Variants in KLHL2 observed in about 807,000 individuals in gnomAD.
KLHL2 encodes kelch like family member 2.
KLHL2 carries 15 observed loss-of-function variants against 75.8 expected under a neutral mutation model. The observed-to-expected ratio is 0.20, with a 90% CI of 0.13 to 0.30. The LOEUF is 0.30. Ranked by LOEUF, KLHL2 falls within the 10% of genes least tolerant of loss-of-function variation. The pLI is 1.00. For synonymous variants in KLHL2, 214 were observed against 251.9 expected, an observed-to-expected ratio of 0.85 and a Z score of 1.42; for missense variants, 381 against 741.0, an observed-to-expected ratio of 0.51 and a Z score of 5.64.
chr4:165,262,437 G>T (rs143176916), intron 4 of KLHL2, among the ~76,000 whole-genome samples: 1,719 of 152,304 alleles, frequency 0.011, 26 homozygotes, highest in African/African-American at 0.037. Context: ...ATGAGGCTTT[G>T]TTGTGATATG....
At chr4:165,307,539 G>A (rs112147957) in intron 9 of KLHL2, among the ~76,000 whole-genome samples, 1 of 152,178 alleles carries the variant, frequency 6.6e-6, no homozygotes, top group African/African-American at 2.4e-5. Context: ...GCTGTTCTAG[G>A]ATCCTGCTTT....
intron 14 of KLHL2, among the ~76,000 whole-genome samples, chr4:165,321,768 T>A (rs570750433): frequency 2.6e-5 from 4 of 152,296 alleles, no homozygotes; most frequent in Admixed American, 2.6e-4. Flanking sequence ...CCCTTTTGAG[T>A]ATATTTTCCA....
chr4:165,230,916 A>G (rs1738832057), intron 3 of KLHL2, among the ~76,000 whole-genome samples: 1 of 152,258 alleles, frequency 6.6e-6, no homozygotes, highest in Non-Finnish European at 1.5e-5. Context: ...CATTGAAGAC[A>G]TTCTGATTTT....
At chr4:165,298,257 C>T (rs1745068979) in intron 7 of KLHL2, among the ~76,000 whole-genome samples, 1 of 148,046 alleles carries the variant, frequency 6.8e-6, no homozygotes, top group Admixed American at 6.7e-5. Context: ...GCAGTCACTG[C>T]TTTGCATCTT....
chr4:165,266,915 T>G (rs1188629662), intron 5 of KLHL2, among the ~76,000 whole-genome samples: 1 of 152,132 alleles, frequency 6.6e-6, no homozygotes, highest in African/African-American at 2.4e-5. Context: ...TTGGGCAGTA[T>G]GGCCATTTTC....
At chr4:165,297,790 A>C in intron 7 of KLHL2, 65 bp downstream of exon 7, 2 of 950,638 alleles carry the variant, frequency 2.1e-6, no homozygotes, top group Admixed American at 3.4e-5. Context: ...CAGCATGTAG[A>C]TCCCTATCAA....
At chr4:165,252,626 C>T (rs894867305) in intron 4 of KLHL2, 2 of 152,288 alleles carry the variant, frequency 1.3e-5, no homozygotes, top group African/African-American at 2.4e-5. Context: ...TTATCTGAGG[C>T]ATGATTATTG....
rs569202012 is a variant in KLHL2 at position 165,271,926 on chromosome 4, T to TTAC, written c.544+8567_544+8568insTAC. On this transcript the variant is annotated intron_variant, in intron 5 of 14. Transcript: ENST00000226725. ...TTACTCTGATGAGTAAGGAAGCTTTTGGTACATAGATGTGGGTAAGGGAGA... is the reference window on the plus strand; with the variant it reads ...TTACTCTGATGAGTAAGGAAGCTTTTTACGGTACATAGATGTGGGTAAGGGAGA... Among the ~76,000 whole-genome samples the TTAC allele has an allele frequency of 3.8e-3, 586 of 152,326 alleles. 2 individuals carry two copies. Among genetic ancestry groups the TTAC allele is most frequent in the South Asian group, 0.021 (100 of 4,820 alleles).
chr4:165,244,261 T>C lies in KLHL2; in HGVS notation c.381+5362T>C, dbSNP rs984395913. ...GAGCTCTTTTTACATTCACATTTCA[T>C]TGAATTCATTTACTTAAATTGTGTA... On this transcript the variant is annotated intron_variant, in intron 4 of 14. Coordinates refer to ENST00000226725, the MANE Select transcript of KLHL2 (RefSeq NM_007246.4). 5.9e-5 allele frequency among the ~76,000 whole-genome samples: 9 copies of C among 152,374 alleles called. No homozygotes were observed. The South Asian group carries it at 1.4e-3, about 25-fold the overall frequency.
At chr4:165,293,670 A>ATTTTTTTTTTT (rs35736944) in intron 5 of KLHL2, among the ~76,000 whole-genome samples, 5 of 125,990 alleles carry the variant, frequency 4.0e-5, no homozygotes, top group African/African-American at 9.0e-5. Flanking sequence ...TGCCTGGCTA[A>ATTTTTTTTTTT]TTTTTTTTTT....
intron 5 of KLHL2, among the ~76,000 whole-genome samples, chr4:165,270,977 G>A (rs1476305670): frequency 6.6e-6 from 1 of 152,024 alleles, no homozygotes; most frequent in Non-Finnish European, 1.5e-5. Flanking sequence ...TTTATTTCTG[G>A]GTTCTCTATT....
At chr4:165,279,674 G>A in intron 5 of KLHL2, 2 of 1,597,020 alleles carry the variant, frequency 1.3e-6, no homozygotes, top group Non-Finnish European at 1.7e-6. Context: ...GCCCGCGTTT[G>A]CGGCCGGTTT....
chr4:165,238,359 A>G (rs1227922214), intron 3 of KLHL2, among the ~76,000 whole-genome samples: 1 of 152,100 alleles, frequency 6.6e-6, no homozygotes, highest in African/African-American at 2.4e-5. Flanking sequence ...TGAAGGAGTA[A>G]TGCTAACCAG....
chr4:165,307,708 G>T (rs763051750), intron 9 of KLHL2, among the ~76,000 whole-genome samples: 1 of 152,136 alleles, frequency 6.6e-6, no homozygotes, highest in Non-Finnish European at 1.5e-5. Flanking sequence ...GACTTAGTAT[G>T]ATTATTTTTT....
At chr4:165,228,659 G>C in intron 2 of KLHL2, 148 bp from the exon 3 acceptor site, 1 of 570,918 alleles carries the variant, frequency 1.8e-6, no homozygotes, top group Non-Finnish European at 3.2e-6. Context: ...TGTACTTCAT[G>C]TTTAGGGATC....
chr4:165,321,450 A>G (rs1009073312), intron 14 of KLHL2: 12 of 372,006 alleles, frequency 3.2e-5, no homozygotes, highest in Admixed American at 1.7e-4. Flanking sequence ...AGAATACAAT[A>G]TATAACACAT....
At chr4:165,218,584 C>T (rs192159444) in intron 1 of KLHL2, among the ~76,000 whole-genome samples, 1 of 152,202 alleles carries the variant, frequency 6.6e-6, no homozygotes, top group Non-Finnish European at 1.5e-5. Flanking sequence ...CCCAACATGC[C>T]AGTTGCTTCC....
intron 5 of KLHL2, chr4:165,279,663 C>A: frequency 6.2e-7 from 1 of 1,608,210 alleles, no homozygotes; most frequent in Non-Finnish European, 8.5e-7. Context: ...GCTTCAGGTC[C>A]GCCCGCGTTT....
chr4:165,274,830 C>A (rs1044934665), intron 5 of KLHL2, among the ~76,000 whole-genome samples: 2 of 152,168 alleles, frequency 1.3e-5, no homozygotes, highest in Non-Finnish European at 2.9e-5. Context: ...ACATCAGTAT[C>A]TTTAGGGAAA....
Sources: gnomAD v4.1 joint callset for allele counts (sites outside exome capture counted in the v4.1 genomes callset) on GRCh38, gnomAD v4.1.1 for gene constraint, MANE v1.5 for transcripts, NCBI Gene and HGNC (gene_info 2026-07-23, HGNC 2026-07-21) for gene names.